Variants in SUGP1 observed in about 807,000 individuals in gnomAD.
The protein encoded by SUGP1 is SURP and G-patch domain-containing protein 1.
SUGP1 carries 34 observed loss-of-function variants against 76.5 expected under a neutral mutation model. The observed-to-expected ratio is 0.44, with a 90% confidence interval of 0.34 to 0.59. The LOEUF (loss-of-function observed/expected upper bound fraction) is 0.59. SUGP1 is among the 20% of genes least tolerant of loss of function. The pLI, the probability that SUGP1 is intolerant of heterozygous loss-of-function variation, is 0.01. For synonymous variants in SUGP1, 326 were observed against 326.2 expected (o/e 1.00, Z 0.01); for missense variants, 752 against 851.7 (o/e 0.88, Z 1.46).
intron 8 of SUGP1, among the ~76,000 whole-genome samples, chr19:19,289,995 A>G (rs753352782): frequency 2.9e-4 from 44 of 150,182 alleles, no homozygotes; most frequent in Non-Finnish European, 5.2e-4. Flanking sequence ...TCGGCCCCCA[A>G]CCCCTAATCT....
chr19:19,283,081 A>AG (rs200210321), intron 8 of SUGP1, among the ~76,000 whole-genome samples: 9,166 of 151,960 alleles, frequency 0.06, 321 homozygotes, highest in East Asian at 0.1. Flanking sequence ...CATCTCAAAA[A>AG]AAAAAAAAAG....
At chr19:19,284,523 G>A (rs977273336) in intron 8 of SUGP1, among the ~76,000 whole-genome samples, 1 of 152,024 alleles carries the variant, frequency 6.6e-6, no homozygotes, top group Non-Finnish European at 1.5e-5. Context: ...CAACAGGTGT[G>A]AAAACCTTGC....
Position 19,310,104 on chromosome 19 carries a change from G to A in SUGP1, c.303C>T (p.Thr101=). ...QQFLKLQKAQ[T]STDAPTSAPS... is the part of the protein sequence containing the mutation. ...GGGGAGGCCTACACTCACCTGTGCT[G>A]GTCTGTGCCTTCTGCAACTTCAGAA... The change falls in exon 3 of 14, where the codon ACC becomes ACT. Residue 101 remains threonine (T), a synonymous_variant. Coordinates refer to ENST00000247001, the MANE Select transcript of SUGP1 (RefSeq NM_172231.4). 6.2e-7 allele frequency: 1 copy of A among 1,613,086 alleles called. No homozygotes were observed. Among genetic ancestry groups the A allele is most frequent in the Non-Finnish European group, 8.5e-7 (1 of 1,179,290 alleles).
intron 13 of SUGP1, 36 bp downstream of exon 13, chr19:19,276,911 C>T (rs773498457): frequency 1.1e-5 from 18 of 1,610,116 alleles, no homozygotes; most frequent in Non-Finnish European, 1.5e-5. Context: ...CCTCTCCTGT[C>T]GACTGAGCAA....
intron 3 of SUGP1, among the ~76,000 whole-genome samples, chr19:19,307,491 G>A (rs1252261619): frequency 1.3e-5 from 2 of 152,216 alleles, no homozygotes; most frequent in East Asian, 1.9e-4. Flanking sequence ...AAAAAGCTTG[G>A]AACAAAACGC....
Position 19,276,310 on chromosome 19 carries a change from C to CAA in SUGP1, c.*336_*337dup, listed in dbSNP as rs1422718440. The stretch of plus-strand genomic sequence containing the variant: ...CAGTGATCCGCCCGCCTTGGCCTCT[C>CAA]AAAGTGCTGGGATGACAGGGGTGAG... On this transcript the variant is annotated 3_prime_UTR_variant, in exon 14 of 14. Transcript: ENST00000247001. 3 of 257,672 alleles carry CAA rather than the reference C, an allele frequency of 1.2e-5. No homozygotes were observed. Among genetic ancestry groups the CAA allele is most frequent in the Non-Finnish European group, 2.3e-5 (3 of 131,634 alleles). 16.0% of individuals were successfully genotyped at this position (257,672 alleles called of 1,614,324 possible).
intron 7 of SUGP1, among the ~76,000 whole-genome samples, chr19:19,300,814 C>T (rs1442317292): frequency 6.6e-6 from 1 of 152,132 alleles, no homozygotes; most frequent in Non-Finnish European, 1.5e-5. Context: ...GTCAGCAACA[C>T]CCCAGAACAG....
At chr19:19,279,190 G>A in intron 10 of SUGP1, 23 bp downstream of exon 10, 1 of 1,542,378 alleles carries the variant, frequency 6.5e-7, no homozygotes, top group Non-Finnish European at 8.8e-7. Flanking sequence ...GCCCAGCCCG[G>A]CCCACCCCGC....
At chr19:19,308,487 G>A (rs1599867833) in intron 3 of SUGP1, among the ~76,000 whole-genome samples, 2 of 152,274 alleles carry the variant, frequency 1.3e-5, no homozygotes, top group Admixed American at 1.3e-4. Context: ...GGCAGGCACT[G>A]AGTCCACATT....
At chr19:19,285,758 G>A (rs2061134937) in intron 8 of SUGP1, among the ~76,000 whole-genome samples, 1 of 151,600 alleles carries the variant, frequency 6.6e-6, no homozygotes, top group Admixed American at 6.6e-5. Context: ...GTAGAGACAG[G>A]GTTTTCTCAT....
intron 3 of SUGP1, among the ~76,000 whole-genome samples, chr19:19,307,657 T>TC (rs1491476381): frequency 6.6e-6 from 1 of 151,884 alleles, no homozygotes; most frequent in Non-Finnish European, 1.5e-5. Context: ...CTGGTATTTT[T>TC]CTTTTTTTTT....
intron 8 of SUGP1, among the ~76,000 whole-genome samples, chr19:19,285,050 G>A (rs2061129131): frequency 6.6e-6 from 1 of 151,600 alleles, no homozygotes; most frequent in African/African-American, 2.4e-5. Flanking sequence ...TGTATTTTTA[G>A]TAGAGACGGG....
At chr19:19,297,427 G>GGGCAGGAGCAGTTCTGGCCTTT in intron 7 of SUGP1, 83 bp from the exon 8 acceptor site, 9 of 853,870 alleles carry the variant, frequency 1.1e-5, no homozygotes, top group Non-Finnish European at 1.5e-5. Flanking sequence ...TTCTGGCCTT[G>GGGCAGGAGCAGTTCTGGCCTTT]TGTGCCCACG....
At chr19:19,300,366 G>A (rs575485359) in intron 7 of SUGP1, among the ~76,000 whole-genome samples, 4 of 152,340 alleles carry the variant, frequency 2.6e-5, no homozygotes, top group Admixed American at 2.6e-4. Flanking sequence ...GTGAGCCACC[G>A]CACCAGGCCT....
intron 6 of SUGP1, 111 bp from the exon 7 acceptor site, chr19:19,302,499 GA>G: frequency 6.9e-7 from 1 of 1,451,446 alleles, no homozygotes; most frequent in Non-Finnish European, 9.4e-7. Context: ...GATGCAAAGA[GA>G]AACAGGCAAA....
intron 3 of SUGP1, among the ~76,000 whole-genome samples, chr19:19,306,848 C>T (rs1399143700): frequency 5.3e-5 from 8 of 152,174 alleles, no homozygotes; most frequent in Non-Finnish European, 1.0e-4. Context: ...CTAGCCCACA[C>T]TTTGGTGTCC....
chr19:19,285,896 C>T (rs1032181230), intron 8 of SUGP1, among the ~76,000 whole-genome samples: 14 of 152,266 alleles, frequency 9.2e-5, no homozygotes, highest in African/African-American at 3.4e-4. Flanking sequence ...GATAACGCTA[C>T]TGTTTTGTGC....
In SUGP1 at chr19:19,297,309, T is replaced by G. The variant is rs755288420; in HGVS notation, c.923A>C (p.Tyr308Ser). The change falls in exon 8 of 14, where the codon TAC becomes TCC. Residue 308 changes from tyrosine to serine, a missense_variant. Around this residue, in one of 2 missense-constraint regions of SUGP1, gnomAD observed 620 missense variants for 617.3 expected, o/e 1.00. Transcript: ENST00000247001. The stretch of plus-strand genomic sequence containing the variant: ...GAACTCCTCCAGCTTCTGTCGGTAG[T>G]ACTTGTACCCTTGGCTATTGGGCTC... ...LYEPNSQGYK[Y>S]YRQKLEEFRK... is the part of the protein sequence containing the mutation. 6 of 1,531,538 alleles carry G rather than the reference T, an allele frequency of 3.9e-6. No homozygotes were observed. The Admixed American group carries it at 1.2e-4, about 31-fold the overall frequency. The allele number at this position is 1,531,538 out of a possible 1,614,324, so 94.9% of individuals were successfully genotyped here.
chr19:19,312,021 G>A (rs923611363), intron 2 of SUGP1, among the ~76,000 whole-genome samples: 3 of 151,982 alleles, frequency 2.0e-5, no homozygotes, highest in Non-Finnish European at 2.9e-5. Flanking sequence ...GGAACAAATG[G>A]AAATGTAGAA....
Sources: allele counts gnomAD v4.1 joint callset (sites outside exome capture counted in the v4.1 genomes callset), GRCh38; gene constraint gnomAD v4.1.1; regional missense constraint gnomAD v4.1.1; transcripts MANE v1.5; gene names NCBI Gene and HGNC (gene_info 2026-07-23, HGNC 2026-07-21).